Variants in ADGRL3 observed in about 807,000 individuals in gnomAD.
ADGRL3 encodes the protein adhesion G protein-coupled receptor L3, also known as calcium-independent alpha-latrotoxin receptor 3.
Under a neutral mutation model 153.5 loss-of-function variants are expected in ADGRL3, and 62 were observed. The observed-to-expected ratio is 0.40, with a 90% CI of 0.33 to 0.50. The LOEUF is 0.50. Ranked by LOEUF, ADGRL3 falls within the 20% of genes least tolerant of loss-of-function variation. ADGRL3 has a pLI of 0.47. For synonymous variants in ADGRL3, 710 were observed against 672.5 expected, an observed-to-expected ratio of 1.06 and a Z score of -0.86; for missense variants, 1,641 against 1,859.4, an observed-to-expected ratio of 0.88 and a Z score of 2.16.
intron 8 of ADGRL3, among the ~76,000 whole-genome samples, chr4:61,745,349 A>T (rs1300807986): frequency 6.6e-6 from 1 of 152,178 alleles, no homozygotes; most frequent in African/African-American, 2.4e-5. Context: ...GACTCAGGAA[A>T]TACAGAGAAT....
intron 1 of ADGRL3, among the ~76,000 whole-genome samples, chr4:61,358,505 G>A (rs1273394535): frequency 1.4e-5 from 2 of 147,660 alleles, no homozygotes; most frequent in African/African-American, 4.9e-5. Flanking sequence ...GCTGAGGCAG[G>A]AGAATGGCGT....
intron 9 of ADGRL3, among the ~76,000 whole-genome samples, chr4:61,847,831 ATATATATATAATATAAAATATAT>A (rs2098142568): frequency 2.4e-4 from 2 of 8,262 alleles, no homozygotes; most frequent in Non-Finnish European, 6.1e-4. Context: ...ATAATATAAA[ATATATATATAATATAAAATATAT>A]TATATATAAT....
intron 4 of ADGRL3, among the ~76,000 whole-genome samples, chr4:61,528,257 A>T (rs143338925): frequency 7.2e-4 from 109 of 152,092 alleles, no homozygotes; most frequent in African/African-American, 2.5e-3. Flanking sequence ...AGTGTTAGTG[A>T]TTCTATTCTT....
intron 5 of ADGRL3, among the ~76,000 whole-genome samples, chr4:61,595,138 A>T (rs1220678982): frequency 6.6e-6 from 1 of 152,194 alleles, no homozygotes; most frequent in Admixed American, 6.5e-5. Context: ...AGGGACTCCA[A>T]GGGCCTGATT....
At chr4:61,758,074 G>A (rs573499781) in intron 8 of ADGRL3, among the ~76,000 whole-genome samples, 2 of 149,208 alleles carry the variant, frequency 1.3e-5, no homozygotes, top group South Asian at 2.1e-4. Flanking sequence ...GTGCAGTGTG[G>A]TGCACAGAAG....
At chr4:61,757,957 C>G (rs2096858294) in intron 8 of ADGRL3, among the ~76,000 whole-genome samples, 1 of 152,152 alleles carries the variant, frequency 6.6e-6, no homozygotes, top group Admixed American at 6.5e-5. Context: ...ATCCTGAGTT[C>G]TAGTTTGATT....
At chr4:61,867,539 T>A (rs1427455527) in intron 9 of ADGRL3, among the ~76,000 whole-genome samples, 1 of 138,752 alleles carries the variant, frequency 7.2e-6, no homozygotes, top group South Asian at 2.3e-4. Flanking sequence ...TATATATATA[T>A]AATTGTAGGA....
At chr4:61,760,048 G>A (rs75496151) in intron 8 of ADGRL3, among the ~76,000 whole-genome samples, 1,532 of 152,316 alleles carry the variant, frequency 0.01, 42 homozygotes, top group African/African-American at 0.035. Context: ...TCTCAGAGGA[G>A]TACCCAGCCG....
intron 3 of ADGRL3, among the ~76,000 whole-genome samples, chr4:61,514,040 G>T (rs2098478165): frequency 6.6e-6 from 1 of 152,110 alleles, no homozygotes; most frequent in South Asian, 2.1e-4. Flanking sequence ...TCTCTTAAAG[G>T]TCTGGATAAA....
At chr4:61,354,413 A>G (rs1216526329) in intron 1 of ADGRL3, among the ~76,000 whole-genome samples, 1 of 152,236 alleles carries the variant, frequency 6.6e-6, no homozygotes, top group Non-Finnish European at 1.5e-5. Context: ...AAATATGTTA[A>G]GGCAATACAA....
intron 1 of ADGRL3, among the ~76,000 whole-genome samples, chr4:61,351,880 C>T (rs976610004): frequency 3.3e-5 from 5 of 152,130 alleles, no homozygotes; most frequent in African/African-American, 1.2e-4. Flanking sequence ...AATGCAACAT[C>T]CATTCTGCAG....
intron 11 of ADGRL3, 130 bp downstream of exon 11, chr4:61,895,964 C>T: frequency 2.0e-6 from 1 of 499,692 alleles, no homozygotes; most frequent in Non-Finnish European, 3.5e-6. Context: ...TTAATGACAA[C>T]CTCTAATATG....
intron 2 of ADGRL3, among the ~76,000 whole-genome samples, chr4:61,466,620 G>A (rs2097887518): frequency 6.6e-6 from 1 of 152,194 alleles, no homozygotes; most frequent in South Asian, 2.1e-4. Flanking sequence ...TATGAGGTCA[G>A]AGATTTTTCC....
chr4:61,603,665 A>C (rs1451382460), intron 5 of ADGRL3, among the ~76,000 whole-genome samples: 1 of 152,214 alleles, frequency 6.6e-6, no homozygotes, highest in African/African-American at 2.4e-5. Context: ...GAAAAAATGA[A>C]CAAGGAACAG....
chr4:61,264,730 G>A (rs2092742450), intron 1 of ADGRL3, among the ~76,000 whole-genome samples: 1 of 151,920 alleles, frequency 6.6e-6, no homozygotes, highest in Admixed American at 6.6e-5. Context: ...TAGTATACTT[G>A]ACCTATGGCA....
intron 8 of ADGRL3, among the ~76,000 whole-genome samples, chr4:61,787,267 G>T (rs975106556): frequency 8.6e-5 from 13 of 151,624 alleles, no homozygotes; most frequent in African/African-American, 2.9e-4. Flanking sequence ...GACATTATTG[G>T]ACTTCCTGAA....
At chr4:61,231,273 A>G (rs896215689) in intron 1 of ADGRL3, among the ~76,000 whole-genome samples, 2 of 152,168 alleles carry the variant, frequency 1.3e-5, no homozygotes, top group Non-Finnish European at 2.9e-5. Flanking sequence ...TTCATATTCT[A>G]GACTTATGCT....
chr4:61,295,053 C>T (rs1421903957), intron 1 of ADGRL3, among the ~76,000 whole-genome samples: 4 of 152,044 alleles, frequency 2.6e-5, no homozygotes, highest in Non-Finnish European at 5.9e-5. Context: ...TTTTAAATTG[C>T]CTGCCTTCCT....
At chr4:61,839,972 T>TA (rs5858732) in intron 9 of ADGRL3, among the ~76,000 whole-genome samples, 28 of 146,084 alleles carry the variant, frequency 1.9e-4, no homozygotes, top group Middle Eastern at 3.5e-3. Flanking sequence ...AAAAGGACAT[T>TA]AAAAAAAAAA....
Sources: gnomAD v4.1 joint callset for allele counts (sites outside exome capture counted in the v4.1 genomes callset) on GRCh38, gnomAD v4.1.1 for gene constraint, MANE v1.5 for transcripts, NCBI Gene and HGNC (gene_info 2026-07-23, HGNC 2026-07-21) for gene names.